Variants in DCAF6 observed in about 807,000 individuals in gnomAD.
The protein encoded by DCAF6 is DDB1- and CUL4-associated factor 6.
DCAF6 carries 54 observed loss-of-function variants against 125.1 expected under a neutral mutation model. The observed-to-expected ratio is 0.43, with a 90% CI of 0.35 to 0.54. The LOEUF (loss-of-function observed/expected upper bound fraction) is 0.54, where lower values mean the gene tolerates loss of function less well. DCAF6 is among the 20% of genes least tolerant of loss of function. DCAF6 has a pLI of 0.01. For missense variants in DCAF6, 934 were observed against 1,161.7 expected, an observed-to-expected ratio of 0.80 and a Z score of 2.85; for synonymous variants, 371 against 390.4, an observed-to-expected ratio of 0.95 and a Z score of 0.58.
chr1:167,901,892 A>G, the DCAF6 span: 4 of 1,611,662 alleles, frequency 2.5e-6, no homozygotes, highest in South Asian at 4.4e-5. Context: ...CTTACTCATC[A>G]AGCATTCCTC....
At chr1:168,067,142 C>A (rs750868535) in intron 20 of DCAF6, among the ~76,000 whole-genome samples, 1 of 152,058 alleles carries the variant, frequency 6.6e-6, no homozygotes, top group Non-Finnish European at 1.5e-5. Context: ...AAATGAGAAT[C>A]CATTGCTAAA....
chr1:167,976,505 G>A (rs531146642), intron 4 of DCAF6, among the ~76,000 whole-genome samples: 1 of 152,152 alleles, frequency 6.6e-6, no homozygotes, highest in Admixed American at 6.6e-5. Context: ...TCTACCTTTC[G>A]AATTACTTGA....
chr1:167,914,486 CCA>C, the DCAF6 span, among the ~76,000 whole-genome samples: 1 of 152,176 alleles, frequency 6.6e-6, no homozygotes, highest in Non-Finnish European at 1.5e-5. Flanking sequence ...ATGAAATTTA[CCA>C]GTTATAATAA....
the DCAF6 span, chr1:167,880,179 G>A: frequency 9.3e-6 from 15 of 1,612,676 alleles, no homozygotes; most frequent in East Asian, 2.2e-5. Flanking sequence ...TGGCAACACC[G>A]ATGGATACAG....
At chr1:167,939,515 C>T (rs938404601) in intron 1 of DCAF6, among the ~76,000 whole-genome samples, 1 of 152,194 alleles carries the variant, frequency 6.6e-6, no homozygotes, top group Non-Finnish European at 1.5e-5. Context: ...GGAATCCCAG[C>T]ACTTTGGGAG....
chr1:167,866,032 C>T, the DCAF6 span, among the ~76,000 whole-genome samples: 1 of 152,202 alleles, frequency 6.6e-6, no homozygotes, highest in Non-Finnish European at 1.5e-5. Flanking sequence ...ACTTAGGATT[C>T]CTTGGAGACC....
At chr1:168,034,537 T>G (rs1271181114) in intron 12 of DCAF6, among the ~76,000 whole-genome samples, 1 of 152,148 alleles carries the variant, frequency 6.6e-6, no homozygotes, top group Non-Finnish European at 1.5e-5. Context: ...GGAGGAAAAG[T>G]CCGTAACTAG....
chr1:167,962,102 A>C (rs2102795846), intron 2 of DCAF6, among the ~76,000 whole-genome samples: 1 of 152,284 alleles, frequency 6.6e-6, no homozygotes, highest in Non-Finnish European at 1.5e-5. Flanking sequence ...AGTGTATTTT[A>C]AGGCCTCAAG....
intron 3 of DCAF6, among the ~76,000 whole-genome samples, chr1:167,968,266 G>A (rs1269430668): frequency 6.6e-6 from 1 of 152,082 alleles, no homozygotes; most frequent in African/African-American, 2.4e-5. Flanking sequence ...AAAGTAAAAA[G>A]GTCTCTATAA....
intron 3 of DCAF6, 139 bp downstream of exon 3, chr1:167,966,860 T>G (rs566626799): frequency 1.7e-6 from 1 of 578,980 alleles, no homozygotes; most frequent in Admixed American, 3.5e-5. Context: ...ATTGTATAAT[T>G]TAGAGGTTCT....
chr1:167,911,362 T>C, the DCAF6 span, among the ~76,000 whole-genome samples: 2 of 152,268 alleles, frequency 1.3e-5, no homozygotes, highest in East Asian at 1.9e-4. Flanking sequence ...CAATGTACTT[T>C]ATGTTCTTGG....
In DCAF6 at chr1:168,062,963, G is replaced by A. The variant is rs936567294; in HGVS notation, c.2301-658G>A. ...GTCTCGCTCTGTCACCCAGGCTGGA[G>A]TGCAGTGGCGCGATCTCGGCTCACT... On this transcript the variant is annotated intron_variant, in intron 17 of 21. Transcript: ENST00000367840. Among the ~76,000 whole-genome samples the A allele has an allele frequency of 1.1e-4, 16 of 149,468 alleles. No individual in the cohort carries two copies. The South Asian group carries it at 3.4e-3, about 31-fold the overall frequency.
chr1:168,009,345 C>CCCTTCCTTCCTTCCTTCCTT (rs199573600), intron 10 of DCAF6, among the ~76,000 whole-genome samples: 55 of 127,942 alleles, frequency 4.3e-4, no homozygotes, highest in African/African-American at 1.6e-3. Flanking sequence ...CTTCCTTCCT[C>CCCTTCCTTCCTTCCTTCCTT]CCTTCCTTCC....
At chr1:167,927,013 C>T in the DCAF6 span, among the ~76,000 whole-genome samples, 6 of 152,214 alleles carry the variant, frequency 3.9e-5, no homozygotes, top group African/African-American at 1.4e-4. Context: ...GCATCTGTCA[C>T]ATTAACCCGA....
intron 12 of DCAF6, among the ~76,000 whole-genome samples, chr1:168,025,740 G>A (rs1173220434): frequency 6.6e-6 from 1 of 152,074 alleles, no homozygotes; most frequent in Non-Finnish European, 1.5e-5. Flanking sequence ...ATCCACTCAG[G>A]CTATAGTCTA....
chr1:168,021,543 T>A (rs1450209259), intron 11 of DCAF6, among the ~76,000 whole-genome samples: 2 of 152,318 alleles, frequency 1.3e-5, no homozygotes, highest in African/African-American at 2.4e-5. Flanking sequence ...GGGAACTGAT[T>A]GAAATGCTAT....
At chr1:167,941,539 T>C (rs2102629210) in intron 1 of DCAF6, among the ~76,000 whole-genome samples, 1 of 152,348 alleles carries the variant, frequency 6.6e-6, no homozygotes, top group Middle Eastern at 3.4e-3. Flanking sequence ...TAGGTGTATA[T>C]ATAAACCTTA....
chr1:167,950,347 G>A (rs958990890), intron 1 of DCAF6, among the ~76,000 whole-genome samples: 1 of 151,942 alleles, frequency 6.6e-6, no homozygotes, highest in African/African-American at 2.4e-5. Context: ...TTTTACAAGC[G>A]AAAATCAGAT....
chr1:168,023,237 A>T lies in DCAF6; in HGVS notation c.1609+190A>T. The T allele has an allele frequency of 8.4e-6, 5 of 596,876 alleles. No individual in the cohort carries two copies. In the South Asian group the frequency reaches 1.2e-4, roughly 14 times the overall value. The allele number at this position is 596,876 out of a possible 1,614,324, so 37.0% of individuals were successfully genotyped here. The stretch of plus-strand genomic sequence containing the variant: ...TTTTGGCCTATACAGATTATTTTCT[A>T]TGTAAGCTCATTTCTCACTTTGGCC... On this transcript the variant is annotated intron_variant, in intron 12 of 21. Transcript: ENST00000367840.
Sources: gnomAD v4.1 joint callset for allele counts (sites outside exome capture counted in the v4.1 genomes callset) on GRCh38, gnomAD v4.1.1 for gene constraint, MANE v1.5 for transcripts, NCBI Gene and HGNC (gene_info 2026-07-23, HGNC 2026-07-21) for gene names.